The following PREX1 variants were observed in gnomAD, a reference collection of about 807,000 sequenced individuals.
PREX1 encodes phosphatidylinositol-3,4,5-trisphosphate dependent Rac exchange factor 1.
PREX1 carries 41 observed loss-of-function variants against 198.3 expected under a neutral mutation model. That is an observed-to-expected ratio of 0.21 (90% CI 0.16 to 0.27). PREX1 has a LOEUF of 0.27. Among genes scored for constraint, PREX1 ranks in the 10% least tolerant of loss-of-function variants. The pLI, the probability that PREX1 is intolerant of heterozygous loss-of-function variation, is 1.00. For synonymous variants in PREX1, 843 were observed against 887.2 expected (o/e 0.95, Z 0.89); for missense variants, 1,620 against 2,200.7 (o/e 0.74, Z 5.28).
chr20:48,785,751 G>T lies in PREX1; in HGVS notation c.220-37871C>A, dbSNP rs185930174. 2.7e-3 allele frequency among the ~76,000 whole-genome samples: 410 copies of T among 152,298 alleles called. 1 individual carries two copies. The highest frequency in any genetic ancestry group is 9.5e-3 in the African/African-American group (395 of 41,552). On this transcript the variant is annotated intron_variant, in intron 1 of 39. Coordinates refer to ENST00000371941, the MANE Select transcript of PREX1 (RefSeq NM_020820.4). ...CCCTCTGCTTTCCCTCAGTAAGCCT[G>T]TGCACTCAGAGGGTTTTGATCCAAG...
intron 4 of PREX1, among the ~76,000 whole-genome samples, chr20:48,733,424 G>A (rs574782281): frequency 2.0e-5 from 3 of 152,282 alleles, no homozygotes; most frequent in East Asian, 1.9e-4. Context: ...TTGAGCCAAC[G>A]AGCATCAGAC....
At position 48,681,214 on chromosome 20, in the gene PREX1, T is replaced by C. The variant is rs756973191; in HGVS notation, c.1435+21A>G. The C allele has an allele frequency of 1.2e-4, 190 of 1,608,778 alleles. 2 individuals are homozygous for C. The highest frequency in any genetic ancestry group is 1.5e-4 in the Non-Finnish European group (182 of 1,175,774). On this transcript the variant is annotated intron_variant, in intron 11 of 39. Coordinates refer to ENST00000371941, the MANE Select transcript of PREX1 (RefSeq NM_020820.4). ...ACCTGTTCCCACCCCTTGGCCCAGC[T>C]GGGCCCAGCCCTCCACTCACCATGG...
chr20:48,797,409 C>T (rs1211954804), intron 1 of PREX1, among the ~76,000 whole-genome samples: 8 of 151,406 alleles, frequency 5.3e-5, no homozygotes, highest in Non-Finnish European at 8.8e-5. Flanking sequence ...GGCTCCAGCC[C>T]CCTCCTCTCA....
rs757317333 is a variant in PREX1 at position 48,827,088 on chromosome 20, AC to A, written c.219+553del. 2.6e-5 allele frequency among the ~76,000 whole-genome samples: 4 copies of A among 151,684 alleles called. No individual in the cohort carries two copies. The highest frequency in any genetic ancestry group is 5.9e-5 in the Non-Finnish European group (4 of 67,938). Reference sequence around the variant, plus strand: ...TGGACTGCCGAGTTTTGAGTTCGAAACCCACTCTCCCCGAACTCCAGCAAAA... The same window carrying A: ...TGGACTGCCGAGTTTTGAGTTCGAAACCACTCTCCCCGAACTCCAGCAAAA... On this transcript the variant is annotated intron_variant, in intron 1 of 39. Coordinates refer to ENST00000371941, the MANE Select transcript of PREX1 (RefSeq NM_020820.4). This position sits in a 1 kb window ranked among gnomAD's most constrained non-coding sequence, Gnocchi z 4.1.
At chr20:48,656,998 T>C (rs1340933871) in intron 18 of PREX1, 42 bp downstream of exon 18, 4 of 1,548,196 alleles carry the variant, frequency 2.6e-6, no homozygotes, top group Non-Finnish European at 2.6e-6. Context: ...CCACTCAGCC[T>C]GAGAGGGAGG....
At chr20:48,777,918 A>T (rs989961908) in intron 1 of PREX1, among the ~76,000 whole-genome samples, 2 of 152,148 alleles carry the variant, frequency 1.3e-5, no homozygotes, top group African/African-American at 4.8e-5. Context: ...GGTGCCCAAG[A>T]CGTCTACACC....
At chr20:48,641,840 G>GAGGAAGGAAGGAAGGAAGGAAGGA (rs56703217) in intron 29 of PREX1, among the ~76,000 whole-genome samples, 1 of 81,538 alleles carries the variant, frequency 1.2e-5, no homozygotes, top group African/African-American at 5.3e-5. Context: ...GAGAGAGAGA[G>GAGGAAGGAAGGAAGGAAGGAAGGA]AGGAAGGAAG....
At chr20:48,787,471 C>A (rs191187119) in intron 1 of PREX1, among the ~76,000 whole-genome samples, 1 of 151,876 alleles carries the variant, frequency 6.6e-6, no homozygotes, top group Non-Finnish European at 1.5e-5. Flanking sequence ...AGCAAACAGC[C>A]CCCGGCCAGC....
Position 48,642,580 on chromosome 20 carries a change from G to A in PREX1, c.3602-91C>T, listed in dbSNP as rs951161315. 3 of 1,184,992 alleles carry A rather than the reference G, an allele frequency of 2.5e-6. No individual in the cohort carries two copies. In the African/African-American group the frequency reaches 4.6e-5, roughly 18 times the overall value. 73.4% of individuals were successfully genotyped at this position (1,184,992 alleles called of 1,614,324 possible). On this transcript the variant is annotated intron_variant, in intron 27 of 39. Coordinates refer to ENST00000371941, the MANE Select transcript of PREX1 (RefSeq NM_020820.4). ...TTCCTAAGAGGGGGATACAGCTACA[G>A]AACTCCAAACCCACAAGGGATGTGG...
At chr20:48,769,073 G>A (rs1451606721) in intron 1 of PREX1, among the ~76,000 whole-genome samples, 2 of 152,130 alleles carry the variant, frequency 1.3e-5, no homozygotes, top group Non-Finnish European at 2.9e-5. Context: ...CTGGCTTCAG[G>A]CAGAGCCAGA....
chr20:48,780,392 A>G (rs533993375), intron 1 of PREX1, among the ~76,000 whole-genome samples: 10 of 152,310 alleles, frequency 6.6e-5, no homozygotes, highest in Admixed American at 2.0e-4. Context: ...TCAAAGCAGG[A>G]GGACTGCTTG....
intron 1 of PREX1, among the ~76,000 whole-genome samples, chr20:48,762,665 T>C (rs915080593): frequency 6.6e-6 from 1 of 151,480 alleles, no homozygotes; most frequent in African/African-American, 2.4e-5. Context: ...AATGGGGATA[T>C]AAAAATGGTA....
chr20:48,771,368 G>A (rs2090235036), intron 1 of PREX1, among the ~76,000 whole-genome samples: 3 of 151,516 alleles, frequency 2.0e-5, no homozygotes, highest in Non-Finnish European at 2.9e-5. Flanking sequence ...TTCAGCAGTG[G>A]GATCCCCTGC....
Position 48,666,143 on chromosome 20 carries a change from G to A in PREX1, c.1738+140C>T, listed in dbSNP as rs2089638910. On this transcript the variant is annotated intron_variant, in intron 15 of 39. Coordinates refer to ENST00000371941, the MANE Select transcript of PREX1 (RefSeq NM_020820.4). This position sits in a 1 kb window ranked among gnomAD's most constrained non-coding sequence, Gnocchi z 4.3. ...ATCGGTTCAGAACGGGAAGGGGAGG[G>A]AGGTGGGATTCGTGAGCCTCCCCAA... 3.9e-6 allele frequency: 3 copies of A among 763,144 alleles called. No individual in the cohort carries two copies. The highest frequency in any genetic ancestry group is 6.4e-6 in the Non-Finnish European group (3 of 469,362). 47.3% of individuals were successfully genotyped at this position (763,144 alleles called of 1,614,324 possible).
chr20:48,706,117 G>A (rs2089901633), intron 6 of PREX1, among the ~76,000 whole-genome samples: 1 of 152,224 alleles, frequency 6.6e-6, no homozygotes, highest in Non-Finnish European at 1.5e-5. Flanking sequence ...GCCACTGAGG[G>A]CCACTGAGTT....
intron 9 of PREX1, 82 bp downstream of exon 9, chr20:48,690,865 C>G (rs954506419): frequency 8.2e-6 from 13 of 1,583,952 alleles, no homozygotes; most frequent in Non-Finnish European, 1.1e-5. Context: ...CCCTATGCCC[C>G]TTCCCTAGAC....
In PREX1 at chr20:48,688,747, T is replaced by C; in HGVS notation, c.1244A>G (p.Lys415Arg). The change falls in exon 10 of 40, where the codon AAG (lysine) becomes AGG (arginine). Residue 415 changes from lysine to arginine, a missense_variant. Lys to Arg is a conservative substitution (Grantham distance 26). Transcript: ENST00000371941. ...CTTGTTCATCATCATGTGGTACAGC[T>C]TCTCCCCCTTCTCCGCAATCATGAC... ...AYVMIAEKGEKLYHMMMNKKV... is the reference protein window; with the variant it reads ...AYVMIAEKGERLYHMMMNKKV... The C allele has an allele frequency of 6.2e-7, 1 of 1,614,154 alleles. No homozygotes were observed. Among genetic ancestry groups the C allele is most frequent in the Non-Finnish European group, 8.5e-7 (1 of 1,180,016 alleles).
At chr20:48,661,419 CAAAAAA>C (rs1168247790) in intron 15 of PREX1, among the ~76,000 whole-genome samples, 18 of 12,024 alleles carry the variant, frequency 1.5e-3, no homozygotes, top group Admixed American at 6.6e-3. Context: ...AACTCCATCT[CAAAAAA>C]AAAAAAAAAA....
chr20:48,701,021 C>G, intron 6 of PREX1, 135 bp from the exon 7 acceptor site: 1 of 1,214,810 alleles, frequency 8.2e-7, no homozygotes, highest in Middle Eastern at 2.4e-4. Flanking sequence ...GACAGAAAAT[C>G]AACACAACGT....
Sources: allele counts gnomAD v4.1 joint callset (sites outside exome capture counted in the v4.1 genomes callset), GRCh38; gene constraint gnomAD v4.1.1; non-coding constraint Gnocchi (gnomAD v3.1); transcripts MANE v1.5; gene names NCBI Gene and HGNC (gene_info 2026-07-23, HGNC 2026-07-21).